The following FAM168A variants were observed in gnomAD, a reference collection of about 807,000 sequenced individuals.
FAM168A encodes the protein protein FAM168A.
A neutral mutation model predicts 28.5 loss-of-function variants in FAM168A; 3 were observed. The observed-to-expected ratio is 0.11, with a 90% CI of 0.05 to 0.27. The LOEUF (loss-of-function observed/expected upper bound fraction) is 0.27, where lower values mean the gene tolerates loss of function less well. FAM168A is among the 10% of genes least tolerant of loss of function. The probability of loss-of-function intolerance (pLI) is 1.00; values close to 1 mark genes in which losing one functional copy is unlikely to be tolerated. For synonymous variants in FAM168A, 122 were observed against 124.2 expected (o/e 0.98, Z 0.12); for missense variants, 222 against 311.5 (o/e 0.71, Z 2.16).
rs537040466 is a variant in FAM168A, at chr11:73,462,929, AAAGAG to A, written c.70+5471_70+5475del. ...AGAGAGGAGAGGAGAAGAGAAGAGA[AAAGAG>A]AAGAGAAGAGGTTAAGATAGCAAAT... On this transcript the variant is annotated intron_variant, in intron 2 of 7. Coordinates refer to ENST00000356467, the MANE Select transcript of FAM168A (RefSeq NM_015159.3). 4.1e-3 allele frequency among the ~76,000 whole-genome samples: 627 copies of A among 151,632 alleles called. 5 individuals carry two copies. The highest frequency in any genetic ancestry group is 0.013 in the African/African-American group (537 of 41,430).
At chr11:73,577,757 G>A (rs1479613145) in intron 1 of FAM168A, among the ~76,000 whole-genome samples, 1 of 152,172 alleles carries the variant, frequency 6.6e-6, no homozygotes, top group Non-Finnish European at 1.5e-5. Context: ...TGATCACAAT[G>A]CCAGACTTAA....
chr11:73,491,319 CA>C (rs1868125372), intron 1 of FAM168A, among the ~76,000 whole-genome samples: 1 of 152,054 alleles, frequency 6.6e-6, no homozygotes, highest in African/African-American at 2.4e-5. Context: ...TTTGGTCATC[CA>C]TGGTGGAAGC....
intron 1 of FAM168A, among the ~76,000 whole-genome samples, chr11:73,492,334 G>T (rs989523398): frequency 1.3e-4 from 20 of 152,160 alleles, no homozygotes; most frequent in African/African-American, 4.8e-4. Context: ...TCATATCAGA[G>T]CAAAAGACTT....
At position 73,423,353 on chromosome 11, in the gene FAM168A, C is replaced by A. The variant is rs73542990; in HGVS notation, c.152-3354G>T. On this transcript the variant is annotated intron_variant, in intron 3 of 7. Coordinates refer to ENST00000356467, the MANE Select transcript of FAM168A (RefSeq NM_015159.3). Reference sequence around the variant, plus strand: ...CTAAGACCTAAACCTAATCATAAAACCCCCTTTCTTGAAAACATTCCATAG... The same window carrying A: ...CTAAGACCTAAACCTAATCATAAAAACCCCTTTCTTGAAAACATTCCATAG... Among the ~76,000 whole-genome samples the A allele has an allele frequency of 3.3e-5, 5 of 152,198 alleles. No homozygotes were observed. The East Asian group carries it at 9.7e-4, about 29-fold the overall frequency.
chr11:73,551,110 CAAA>C (rs199595702), intron 1 of FAM168A, among the ~76,000 whole-genome samples: 10 of 77,000 alleles, frequency 1.3e-4, no homozygotes, highest in African/African-American at 1.6e-4. Context: ...GACTCTGTCT[CAAA>C]AAAAAAAAAA....
intron 1 of FAM168A, among the ~76,000 whole-genome samples, chr11:73,595,395 A>C (rs1176610253): frequency 1.3e-5 from 2 of 152,210 alleles, no homozygotes; most frequent in Non-Finnish European, 2.9e-5. Context: ...CTCAATCGTG[A>C]AAGCCAAGGA....
At chr11:73,543,881 C>A (rs535188178) in intron 1 of FAM168A, among the ~76,000 whole-genome samples, 1 of 152,276 alleles carries the variant, frequency 6.6e-6, no homozygotes, top group African/African-American at 2.4e-5. Flanking sequence ...ATAATCCCAG[C>A]ACTTTGGGAA....
rs922850549 is a variant in FAM168A, at chr11:73,420,950, CT to C, written c.152-952del. 98 of 152,362 alleles carry C rather than the reference CT, an allele frequency of 6.4e-4. 1 individual carries two copies. The highest frequency in any genetic ancestry group is 6.4e-3 in the Admixed American group (97 of 15,256). 9.4% of individuals were successfully genotyped at this position (152,362 alleles called of 1,614,324 possible). ...GAGTTCTGAAGTGGGACTTGCCTAA[CT>C]TTTTAGACATTTTCCTTATTATAAT... On this transcript the variant is annotated intron_variant, in intron 3 of 7. Transcript: ENST00000356467.
At chr11:73,436,880 C>G (rs1240440843) in intron 2 of FAM168A, among the ~76,000 whole-genome samples, 2 of 152,130 alleles carry the variant, frequency 1.3e-5, no homozygotes, top group African/African-American at 4.8e-5. Flanking sequence ...TCTGGAGAGT[C>G]AATTTGGTCA....
intron 3 of FAM168A, among the ~76,000 whole-genome samples, chr11:73,424,477 TCA>T (rs1045059075): frequency 1.3e-5 from 2 of 151,978 alleles, no homozygotes; most frequent in Admixed American, 6.6e-5. Flanking sequence ...TTCTGGTCCC[TCA>T]TTTATCAGCA....
intron 1 of FAM168A, among the ~76,000 whole-genome samples, chr11:73,554,608 G>A (rs544426354): frequency 1.3e-5 from 2 of 151,940 alleles, no homozygotes; most frequent in Non-Finnish European, 2.9e-5. Flanking sequence ...GAGATTTTAG[G>A]ACAAAAAATG....
intron 1 of FAM168A, among the ~76,000 whole-genome samples, chr11:73,522,304 T>C (rs969245246): frequency 3.3e-5 from 5 of 152,032 alleles, no homozygotes; most frequent in African/African-American, 1.2e-4. Flanking sequence ...ACCGGGGTCA[T>C]CAGGACTCTG....
intron 2 of FAM168A, among the ~76,000 whole-genome samples, chr11:73,447,362 A>T (rs866693765): frequency 2.6e-5 from 4 of 152,034 alleles, no homozygotes; most frequent in Non-Finnish European, 4.4e-5. Flanking sequence ...CAATCTGGGC[A>T]ACATAGCAAG....
chr11:73,590,781 T>C (rs1258830051), intron 1 of FAM168A, among the ~76,000 whole-genome samples: 1 of 150,396 alleles, frequency 6.6e-6, no homozygotes, highest in African/African-American at 2.4e-5. Context: ...GACACATATC[T>C]TTTTTTTTTA....
intron 1 of FAM168A, among the ~76,000 whole-genome samples, chr11:73,486,769 G>GAA (rs1449334319): frequency 1.2e-4 from 18 of 152,178 alleles, no homozygotes; most frequent in African/African-American, 3.6e-4. Flanking sequence ...CATTCATCAG[G>GAA]AAGCAAAATG....
intron 1 of FAM168A, among the ~76,000 whole-genome samples, chr11:73,495,183 G>A (rs2134614126): frequency 6.7e-6 from 1 of 150,000 alleles, no homozygotes; most frequent in South Asian, 2.1e-4. Flanking sequence ...CAAAAAATTA[G>A]CCAGGCATGG....
chr11:73,430,337 G>GGT (rs369017256), intron 3 of FAM168A: 8 of 304,548 alleles, frequency 2.6e-5, no homozygotes, highest in South Asian at 5.4e-5. Flanking sequence ...TGTGTCCCAA[G>GGT]GTGTGTGTGT....
intron 5 of FAM168A, chr11:73,410,486 G>A (rs1866589674): frequency 6.6e-6 from 1 of 151,920 alleles, no homozygotes; most frequent in Non-Finnish European, 1.5e-5. Flanking sequence ...TTCCCTTTAG[G>A]TAAAAAGGTA....
At chr11:73,516,462 C>T (rs1393139132) in intron 1 of FAM168A, among the ~76,000 whole-genome samples, 2 of 152,170 alleles carry the variant, frequency 1.3e-5, no homozygotes, top group African/African-American at 4.8e-5. Context: ...ACTAATACCC[C>T]TCCATCCCTA....
Sources: allele counts gnomAD v4.1 joint callset (sites outside exome capture counted in the v4.1 genomes callset), GRCh38; gene constraint gnomAD v4.1.1; transcripts MANE v1.5; gene names NCBI Gene and HGNC (gene_info 2026-07-23, HGNC 2026-07-21).